UNC5D: variants seen among roughly 807,000 people sequenced by gnomAD.
UNC5D encodes netrin receptor UNC5D.
A neutral mutation model predicts 105.4 loss-of-function variants in UNC5D; 39 were observed. The observed-to-expected ratio is 0.37, with a 90% CI of 0.29 to 0.48. The LOEUF is 0.48. Ranked by LOEUF, UNC5D falls within the 20% of genes least tolerant of loss-of-function variation. UNC5D has a pLI of 0.98. For synonymous variants in UNC5D, 452 were observed against 450.4 expected (o/e 1.00, Z -0.04); for missense variants, 991 against 1,202.4 (o/e 0.82, Z 2.60).
At chr8:35,421,601 TATTG>T (rs1417241526) in intron 1 of UNC5D, among the ~76,000 whole-genome samples, 2 of 152,212 alleles carry the variant, frequency 1.3e-5, no homozygotes, top group Non-Finnish European at 2.9e-5. Context: ...AACAATTTTT[TATTG>T]ATTGCATTCT....
At chr8:35,468,911 T>C (rs1809506867) in intron 1 of UNC5D, among the ~76,000 whole-genome samples, 3 of 152,126 alleles carry the variant, frequency 2.0e-5, no homozygotes, top group Non-Finnish European at 4.4e-5. Flanking sequence ...GGTGTGGGAG[T>C]GCTTGGGAAA....
intron 4 of UNC5D, 56 bp downstream of exon 4, chr8:35,595,713 G>A: frequency 3.3e-6 from 5 of 1,509,240 alleles, no homozygotes; most frequent in Non-Finnish European, 4.6e-6. Context: ...TTCCCAAGAG[G>A]GAGGGCGGAG....
At chr8:35,724,572 T>C (rs1477891162) in intron 9 of UNC5D, among the ~76,000 whole-genome samples, 2 of 152,220 alleles carry the variant, frequency 1.3e-5, no homozygotes, top group African/African-American at 4.8e-5. Flanking sequence ...CCGTGGATGC[T>C]ATCATATGTA....
At chr8:35,517,367 C>T (rs1027721819) in intron 1 of UNC5D, among the ~76,000 whole-genome samples, 1 of 152,168 alleles carries the variant, frequency 6.6e-6, no homozygotes, top group South Asian at 2.1e-4. Context: ...CAAAGCAAAT[C>T]TTAACATGAA....
intron 2 of UNC5D, among the ~76,000 whole-genome samples, chr8:35,557,505 T>C (rs1388253716): frequency 2.0e-5 from 3 of 152,212 alleles, no homozygotes; most frequent in African/African-American, 7.2e-5. Context: ...AATGAAACAT[T>C]GTTCTGCCTT....
chr8:35,574,836 T>G (rs1412700820), intron 3 of UNC5D, among the ~76,000 whole-genome samples: 1 of 152,182 alleles, frequency 6.6e-6, no homozygotes, highest in Admixed American at 6.5e-5. Flanking sequence ...GAGTCTAGGA[T>G]GTGGGACTCA....
chr8:35,238,617 C>G (rs1802615443), intron 1 of UNC5D, among the ~76,000 whole-genome samples: 2 of 152,090 alleles, frequency 1.3e-5, no homozygotes, highest in South Asian at 4.1e-4. Context: ...AGGGGGACTG[C>G]TGTTCATCTG....
chr8:35,579,952 A>G (rs534849176), intron 3 of UNC5D, among the ~76,000 whole-genome samples: 17 of 152,304 alleles, frequency 1.1e-4, no homozygotes, highest in African/African-American at 3.9e-4. Context: ...TTCTGCAGGC[A>G]TAGCATAGGT....
chr8:35,641,386 G>GA lies in UNC5D; in HGVS notation c.571-42150dup, dbSNP rs1209560462. On this transcript the variant is annotated intron_variant, in intron 4 of 16. Transcript: ENST00000404895. Reference sequence around the variant, plus strand: ...TAAAGCAAAAAAAAAAAAAAAAAAAGAAAAAAAAAAACAGCATCTACAACA... The same window carrying GA: ...TAAAGCAAAAAAAAAAAAAAAAAAAGAAAAAAAAAAAACAGCATCTACAACA... 7.6e-3 allele frequency among the ~76,000 whole-genome samples: 695 copies of GA among 91,804 alleles called. 8 individuals carry two copies. Among genetic ancestry groups the GA allele is most frequent in the African/African-American group, 0.026 (625 of 24,378 alleles). 60.2% of individuals were successfully genotyped at this position (91,804 alleles called of 152,430 possible). A position where few individuals can be genotyped will look rare whatever the true frequency, so the allele number is the denominator to read the frequency against.
intron 1 of UNC5D, among the ~76,000 whole-genome samples, chr8:35,263,583 T>C (rs954514249): frequency 6.6e-6 from 1 of 152,180 alleles, no homozygotes; most frequent in Non-Finnish European, 1.5e-5. Context: ...TTCTAAGTCA[T>C]AATGGAGTTT....
rs79052478 is a variant in UNC5D, at chr8:35,597,321, A to G, written c.570+1664A>G. On this transcript the variant is annotated intron_variant, in intron 4 of 16. Coordinates refer to ENST00000404895, the MANE Select transcript of UNC5D (RefSeq NM_080872.4). ...TTATTGAATGTCAAACAAAAAAGAT[A>G]TTGATCTCCTTTTGCTGCCCTATTG... is the stretch of plus-strand genomic sequence containing the variant. Among the ~76,000 whole-genome samples the G allele has an allele frequency of 6.6e-3, 1,012 of 152,336 alleles. 14 individuals are homozygous for G. The highest frequency in any genetic ancestry group is 0.022 in the African/African-American group (929 of 41,586).
At chr8:35,363,106 T>C (rs1300276256) in intron 1 of UNC5D, among the ~76,000 whole-genome samples, 1 of 152,166 alleles carries the variant, frequency 6.6e-6, no homozygotes, top group African/African-American at 2.4e-5. Flanking sequence ...TTGGGAAGCA[T>C]ATTAACCTGT....
At chr8:35,566,037 GCTT>G (rs1471008419) in intron 2 of UNC5D, among the ~76,000 whole-genome samples, 1 of 152,064 alleles carries the variant, frequency 6.6e-6, no homozygotes. Flanking sequence ...CATCTGTAAG[GCTT>G]CTTTTCTCCT....
At chr8:35,515,844 A>T (rs1198102664) in intron 1 of UNC5D, among the ~76,000 whole-genome samples, 1 of 152,164 alleles carries the variant, frequency 6.6e-6, no homozygotes, top group Non-Finnish European at 1.5e-5. Context: ...AATTTTTCTG[A>T]AGTGTAGACT....
intron 1 of UNC5D, among the ~76,000 whole-genome samples, chr8:35,365,710 C>T (rs10093692): frequency 0.053 from 7,964 of 150,928 alleles, 245 homozygotes; most frequent in African/African-American, 0.087. Flanking sequence ...ATACCAGGTA[C>T]CAGGGGAAAT....
chr8:35,258,490 A>C (rs886279543), intron 1 of UNC5D, among the ~76,000 whole-genome samples: 3 of 152,210 alleles, frequency 2.0e-5, no homozygotes, highest in African/African-American at 7.2e-5. Context: ...GTGTGTCCTT[A>C]GGAAAATAAT....
At chr8:35,583,165 A>C (rs1818562677) in intron 3 of UNC5D, among the ~76,000 whole-genome samples, 1 of 152,210 alleles carries the variant, frequency 6.6e-6, no homozygotes, top group Non-Finnish European at 1.5e-5. Flanking sequence ...CAGCCTGGGC[A>C]ACATAGTGAG....
chr8:35,598,565 T>G (rs551651049), intron 4 of UNC5D, among the ~76,000 whole-genome samples: 20 of 152,112 alleles, frequency 1.3e-4, no homozygotes, highest in Non-Finnish European at 2.8e-4. Flanking sequence ...ACAAAGCAAA[T>G]GAAATCAATA....
At chr8:35,617,325 G>C (rs527728759) in intron 4 of UNC5D, among the ~76,000 whole-genome samples, 1 of 152,288 alleles carries the variant, frequency 6.6e-6, no homozygotes, top group African/African-American at 2.4e-5. Flanking sequence ...AGAGTTTTCT[G>C]CGTAACTGCT....
Sources: allele counts gnomAD v4.1 joint callset (sites outside exome capture counted in the v4.1 genomes callset), GRCh38; gene constraint gnomAD v4.1.1; transcripts MANE v1.5; gene names NCBI Gene and HGNC (gene_info 2026-07-23, HGNC 2026-07-21).